The following PTPRD variants were observed in gnomAD, a reference collection of about 807,000 sequenced individuals.
PTPRD encodes the protein receptor-type tyrosine-protein phosphatase delta.
Under a neutral mutation model 214.5 loss-of-function variants are expected in PTPRD, and 34 were observed. That is an observed-to-expected ratio of 0.16 (90% CI 0.12 to 0.21). The LOEUF (loss-of-function observed/expected upper bound fraction) is 0.21. PTPRD is among the 10% of genes least tolerant of loss of function. The pLI, the probability that PTPRD is intolerant of heterozygous loss-of-function variation, is 1.00. For missense variants in PTPRD, 2,545 were observed against 2,398.7 expected, an observed-to-expected ratio of 1.06 and a Z score of -1.27; for synonymous variants, 1,128 against 845.7, an observed-to-expected ratio of 1.33 and a Z score of -5.79.
At chr9:9,274,544 C>T (rs1487510532) in intron 9 of PTPRD, among the ~76,000 whole-genome samples, 1 of 151,222 alleles carries the variant, frequency 6.6e-6, no homozygotes, top group Non-Finnish European at 1.5e-5. Flanking sequence ...TCTATCCCAA[C>T]TCTTGCCACT....
intron 5 of PTPRD, among the ~76,000 whole-genome samples, chr9:9,793,706 G>GA (rs555780053): frequency 6.7e-4 from 100 of 150,122 alleles, no homozygotes; most frequent in African/African-American, 1.8e-3. Context: ...TATTATTTTA[G>GA]AAAAAAAAAT....
At chr9:8,412,863 G>A in intron 35 of PTPRD, among the ~76,000 whole-genome samples, 1 of 152,248 alleles carries the variant, frequency 6.6e-6, no homozygotes, top group South Asian at 2.1e-4. Flanking sequence ...AAAGAGCACA[G>A]CTGCATATGG....
chr9:10,522,443 C>G (rs2052659959), intron 2 of PTPRD, among the ~76,000 whole-genome samples: 1 of 152,096 alleles, frequency 6.6e-6, no homozygotes. Context: ...TTTTTTAAGA[C>G]CTCTCACCAC....
At chr9:9,792,372 C>T (rs560301194) in intron 5 of PTPRD, among the ~76,000 whole-genome samples, 10 of 152,226 alleles carry the variant, frequency 6.6e-5, no homozygotes, top group South Asian at 4.1e-4. Context: ...TAGAAGGAAG[C>T]GAGAGTTTCA....
chr9:9,794,462 G>A (rs188910841), intron 5 of PTPRD, among the ~76,000 whole-genome samples: 1 of 152,136 alleles, frequency 6.6e-6, no homozygotes, highest in Admixed American at 6.6e-5. Context: ...GCAAAAGTGA[G>A]TGTATCAATG....
chr9:8,726,760 C>CA (rs889331412), intron 12 of PTPRD, among the ~76,000 whole-genome samples: 6 of 142,388 alleles, frequency 4.2e-5, no homozygotes, highest in Non-Finnish European at 7.6e-5. Flanking sequence ...AACATGGTGC[C>CA]ACTGCACTCC....
At chr9:9,064,661 A>G (rs2099721935) in intron 10 of PTPRD, among the ~76,000 whole-genome samples, 3 of 152,322 alleles carry the variant, frequency 2.0e-5, no homozygotes, top group South Asian at 4.1e-4. Context: ...TGAGACTCCG[A>G]ACTGAATACT....
chr9:8,543,413 T>A (rs763401387), intron 14 of PTPRD, among the ~76,000 whole-genome samples: 20 of 152,212 alleles, frequency 1.3e-4, no homozygotes, highest in Non-Finnish European at 2.2e-4. Flanking sequence ...ACAAGATTAA[T>A]GCCCCTTCAA....
chr9:8,541,658 C>T (rs905444544), intron 14 of PTPRD, among the ~76,000 whole-genome samples: 2 of 152,092 alleles, frequency 1.3e-5, no homozygotes, highest in Non-Finnish European at 2.9e-5. Flanking sequence ...TGCGTCACTG[C>T]GCCCAGCCTT....
At chr9:8,865,720 G>A (rs1239152289) in intron 11 of PTPRD, among the ~76,000 whole-genome samples, 1 of 152,068 alleles carries the variant, frequency 6.6e-6, no homozygotes, top group Non-Finnish European at 1.5e-5. Context: ...GATAGCATGT[G>A]CTTAGATACC....
chr9:9,940,158 A>G lies in PTPRD; in HGVS notation c.-471-1548T>C, dbSNP rs374753452. Among the ~76,000 whole-genome samples, 10 of 152,290 alleles carry G rather than the reference A, an allele frequency of 6.6e-5. No homozygotes were observed. In the East Asian group the frequency reaches 1.9e-3, roughly 29 times the overall value. On this transcript the variant is annotated intron_variant, in intron 4 of 45. Coordinates refer to ENST00000381196, the MANE Select transcript of PTPRD (RefSeq NM_002839.4). ...ACTTGCAGGGATGAGGGGAGTGAGC[A>G]GTTACTGACATCTAAGAGTCAGATA... is the stretch of plus-strand genomic sequence containing the variant.
intron 10 of PTPRD, among the ~76,000 whole-genome samples, chr9:9,122,787 T>C (rs1464752390): frequency 6.6e-6 from 1 of 152,144 alleles, no homozygotes; most frequent in Non-Finnish European, 1.5e-5. Flanking sequence ...GTGCATGGAG[T>C]AACGTGCAAG....
chr9:8,840,059 GATTAT>G (rs1715302637), intron 11 of PTPRD, among the ~76,000 whole-genome samples: 1 of 152,294 alleles, frequency 6.6e-6, no homozygotes, highest in South Asian at 2.1e-4. Flanking sequence ...TCTATAATGA[GATTAT>G]ATTACTTTTA....
At chr9:10,041,530 A>G (rs541579282) in intron 3 of PTPRD, among the ~76,000 whole-genome samples, 2 of 151,848 alleles carry the variant, frequency 1.3e-5, no homozygotes, top group South Asian at 2.1e-4. Flanking sequence ...TTTATTTTCT[A>G]CTGTATAAAA....
intron 3 of PTPRD, among the ~76,000 whole-genome samples, chr9:10,193,620 C>G (rs1009306332): frequency 1.3e-5 from 2 of 152,118 alleles, no homozygotes; most frequent in Admixed American, 6.6e-5. Flanking sequence ...TTTCTGAATG[C>G]ATTCAAAAAG....
Position 9,188,808 on chromosome 9 carries a change from TTGTGTGTGTGTGTG to T in PTPRD, c.-202-5459_-202-5446del, listed in dbSNP as rs5896310. 2.0e-4 allele frequency among the ~76,000 whole-genome samples: 29 copies of T among 148,510 alleles called. 1 individual carries two copies. The East Asian group carries it at 3.8e-3, about 20-fold the overall frequency. On this transcript the variant is annotated intron_variant, in intron 9 of 45. Transcript: ENST00000381196. ...TCACAGAATTTTAGTGCAAAATAAA[TTGTGTGTGTGTGTG>T]TGTGTGTGTGTGTGTGTGTGTTGTG...
chr9:8,560,440 T>TACACACAC (rs71317370), intron 14 of PTPRD, among the ~76,000 whole-genome samples: 35 of 143,430 alleles, frequency 2.4e-4, no homozygotes, highest in East Asian at 8.2e-4. Flanking sequence ...AAAAAATACA[T>TACACACAC]ACACACACAC....
At chr9:9,074,756 G>C (rs2099748614) in intron 10 of PTPRD, among the ~76,000 whole-genome samples, 1 of 150,922 alleles carries the variant, frequency 6.6e-6, no homozygotes, top group Admixed American at 6.6e-5. Flanking sequence ...TGTATATTCT[G>C]ATTATTAATC....
chr9:10,099,637 T>G (rs941776612), intron 3 of PTPRD, among the ~76,000 whole-genome samples: 32 of 151,938 alleles, frequency 2.1e-4, no homozygotes, highest in African/African-American at 7.0e-4. Flanking sequence ...AAGGCCATCC[T>G]AAGCAATGAG....
Sources: gnomAD v4.1 joint callset for allele counts (sites outside exome capture counted in the v4.1 genomes callset) on GRCh38, gnomAD v4.1.1 for gene constraint, MANE v1.5 for transcripts, NCBI Gene and HGNC (gene_info 2026-07-23, HGNC 2026-07-21) for gene names.